The following ANGPT2 variants were observed in gnomAD, a reference collection of about 807,000 sequenced individuals.
The protein encoded by ANGPT2 is angiopoietin 2.
Under a neutral mutation model 62.9 loss-of-function variants are expected in ANGPT2, and 28 were observed. The observed-to-expected ratio is 0.44, with a 90% CI of 0.33 to 0.61. The LOEUF (loss-of-function observed/expected upper bound fraction) is 0.61. Among genes scored for constraint, ANGPT2 ranks in the 20% least tolerant of loss-of-function variants. The pLI, the probability that ANGPT2 is intolerant of heterozygous loss-of-function variation, is 0.03. For synonymous variants in ANGPT2, 284 were observed against 207.8 expected (o/e 1.37, Z -3.15); for missense variants, 727 against 594.9 (o/e 1.22, Z -2.31).
chr8:6,550,383 C>A (rs1032959475), intron 1 of ANGPT2, among the ~76,000 whole-genome samples: 3 of 152,212 alleles, frequency 2.0e-5, no homozygotes, highest in African/African-American at 7.2e-5. Context: ...TAGGGCTGCA[C>A]CCAGACACGT....
At chr8:6,560,034 T>C (rs1310838271) in intron 1 of ANGPT2, among the ~76,000 whole-genome samples, 1 of 152,224 alleles carries the variant, frequency 6.6e-6, no homozygotes, top group Non-Finnish European at 1.5e-5. Context: ...CTAAGCTCCC[T>C]AGGCTATGCT....
intron 1 of ANGPT2, among the ~76,000 whole-genome samples, chr8:6,558,338 C>T (rs977024275): frequency 2.0e-5 from 3 of 152,052 alleles, no homozygotes; most frequent in African/African-American, 7.2e-5. Context: ...TTTTACCTTG[C>T]CCATATCTTA....
intron 5 of ANGPT2, among the ~76,000 whole-genome samples, chr8:6,517,304 A>T (rs1351962860): frequency 6.6e-6 from 1 of 152,214 alleles, no homozygotes; most frequent in Non-Finnish European, 1.5e-5. Flanking sequence ...TCAGCAAATA[A>T]TACTTGACTT....
Position 6,523,363 on chromosome 8 carries a change from A to G in ANGPT2, c.567-1953T>C, listed in dbSNP as rs545125287. Among the ~76,000 whole-genome samples the G allele has an allele frequency of 2.0e-4, 30 of 152,298 alleles. No individual in the cohort carries two copies. The South Asian group carries it at 3.7e-3, about 19-fold the overall frequency. ...TGCCATGTAAGTCCTAAGATACTTTATTAATGGTTATATAGTTTGCCTTCC... is the reference window on the plus strand; with the variant it reads ...TGCCATGTAAGTCCTAAGATACTTTGTTAATGGTTATATAGTTTGCCTTCC... On this transcript the variant is annotated intron_variant, in intron 3 of 8. Transcript: ENST00000629816.
intron 8 of ANGPT2, among the ~76,000 whole-genome samples, chr8:6,503,928 C>G (rs1030688796): frequency 6.6e-6 from 1 of 152,172 alleles, no homozygotes; most frequent in Non-Finnish European, 1.5e-5. Flanking sequence ...GAAAGAAACA[C>G]AGTAGTCCCC....
intron 1 of ANGPT2, among the ~76,000 whole-genome samples, chr8:6,535,736 A>T (rs1193172582): frequency 6.6e-6 from 1 of 152,182 alleles, no homozygotes; most frequent in Non-Finnish European, 1.5e-5. Flanking sequence ...GCAGTAGTAG[A>T]TATTTTGTGT....
chr8:6,544,282 T>A (rs145809007), intron 1 of ANGPT2, among the ~76,000 whole-genome samples: 3 of 152,320 alleles, frequency 2.0e-5, no homozygotes, highest in Non-Finnish European at 2.9e-5. Flanking sequence ...TCTACTTCTG[T>A]CTGTGGCCAG....
intron 3 of ANGPT2, 26 bp from the exon 4 acceptor site, chr8:6,521,436 A>C: frequency 6.8e-7 from 1 of 1,473,918 alleles, no homozygotes; most frequent in South Asian, 1.2e-5. Flanking sequence ...ATTGTTAGTT[A>C]GTGAAGGCTA....
chr8:6,527,926 C>T lies in ANGPT2; in HGVS notation c.445-250G>A, dbSNP rs1403491424. ...TTTTTTTTTTTTTGAGATGGAATCTCGCTCCATTGCCCGGGGTGGAGTGCA... is the reference window on the plus strand; with the variant it reads ...TTTTTTTTTTTTTGAGATGGAATCTTGCTCCATTGCCCGGGGTGGAGTGCA... On this transcript the variant is annotated intron_variant, in intron 2 of 8. Transcript: ENST00000629816. 6.1e-5 allele frequency among the ~76,000 whole-genome samples: 7 copies of T among 114,180 alleles called. 1 individual carries two copies. Among genetic ancestry groups the T allele is most frequent in the Admixed American group, 9.3e-5 (1 of 10,768 alleles). The allele number at this position is 114,180 out of a possible 152,430, so 74.9% of individuals were successfully genotyped here.
chr8:6,519,125 T>C (rs1244123797), intron 5 of ANGPT2, among the ~76,000 whole-genome samples: 1 of 152,192 alleles, frequency 6.6e-6, no homozygotes, highest in Non-Finnish European at 1.5e-5. Flanking sequence ...GAACACTGTC[T>C]TTATGGTGTG....
chr8:6,558,837 T>C (rs1304305941), intron 1 of ANGPT2, among the ~76,000 whole-genome samples: 1 of 152,148 alleles, frequency 6.6e-6, no homozygotes, highest in Non-Finnish European at 1.5e-5. Context: ...ATATAATCCA[T>C]ATAGAGTAAA....
At chr8:6,545,259 G>A (rs374198665) in intron 1 of ANGPT2, among the ~76,000 whole-genome samples, 55 of 152,256 alleles carry the variant, frequency 3.6e-4, no homozygotes, top group South Asian at 2.1e-4. Flanking sequence ...TCTTGACCTC[G>A]GTGCTGGTTA....
Position 6,501,504 on chromosome 8 carries a change from G to C in ANGPT2, c.*1597C>G, listed in dbSNP as rs1259674628. On this transcript the variant is annotated 3_prime_UTR_variant, in exon 9 of 9. Transcript: ENST00000629816. ...GGAGTTAAAACTCCAGGAGTTTATG[G>C]TTTTGTAGTCCCGAGTATAAAGCTG... is the stretch of plus-strand genomic sequence containing the variant. 2 of 150,378 alleles carry C rather than the reference G, an allele frequency of 1.3e-5. No homozygotes were observed. The highest frequency in any genetic ancestry group is 2.4e-5 in the African/African-American group (1 of 40,898). 9.3% of individuals were successfully genotyped at this position (150,378 alleles called of 1,614,324 possible).
At chr8:6,538,289 C>T (rs939154772) in intron 1 of ANGPT2, among the ~76,000 whole-genome samples, 1 of 152,168 alleles carries the variant, frequency 6.6e-6, no homozygotes, top group African/African-American at 2.4e-5. Context: ...CACACATACA[C>T]GTTTTCTACC....
chr8:6,529,717 G>A (rs1460261971), intron 2 of ANGPT2, among the ~76,000 whole-genome samples: 1 of 147,612 alleles, frequency 6.8e-6, no homozygotes, highest in South Asian at 2.1e-4. Context: ...CACCCACCTC[G>A]GCCTCTCAAA....
At position 6,529,623 on chromosome 8, in the gene ANGPT2, A is replaced by ATT. The variant is rs35322987; in HGVS notation, c.445-1949_445-1948dup. Among the ~76,000 whole-genome samples, 820 of 120,920 alleles carry ATT rather than the reference A, an allele frequency of 6.8e-3. 10 individuals are homozygous for ATT. The highest frequency in any genetic ancestry group is 0.019 in the African/African-American group (619 of 32,100). 79.3% of individuals were successfully genotyped at this position (120,920 alleles called of 152,430 possible). ...AAGTGCACACAAGCACGCCTGGCTA[A>ATT]TTTTTTTTTTTTTTTTTTTTTGGTA... On this transcript the variant is annotated intron_variant, in intron 2 of 8. Coordinates refer to ENST00000629816, the MANE Select transcript of ANGPT2 (RefSeq NM_001118887.2).
chr8:6,559,726 T>G (rs1049574252), intron 1 of ANGPT2, among the ~76,000 whole-genome samples: 1 of 152,202 alleles, frequency 6.6e-6, no homozygotes, highest in African/African-American at 2.4e-5. Flanking sequence ...TTTTGCTAAA[T>G]TATTTGTGAG....
intron 1 of ANGPT2, 69 bp downstream of exon 1, chr8:6,562,578 T>TTTTTTTTTTTTTTTTTTTTTTTTTTTAA: frequency 1.1e-6 from 1 of 880,188 alleles, no homozygotes; most frequent in East Asian, 3.0e-5. Flanking sequence ...TTTTGGTTGT[T>TTTTTTTTTTTTTTTTTTTTTTTTTTTAA]AAAACCTGAG....
At chr8:6,540,173 T>C (rs2129573606) in intron 1 of ANGPT2, among the ~76,000 whole-genome samples, 1 of 152,312 alleles carries the variant, frequency 6.6e-6, no homozygotes, top group Middle Eastern at 3.4e-3. Flanking sequence ...TGCATATTCT[T>C]TGCATTAATT....
Sources: gnomAD v4.1 joint callset for allele counts (sites outside exome capture counted in the v4.1 genomes callset) on GRCh38, gnomAD v4.1.1 for gene constraint, MANE v1.5 for transcripts, NCBI Gene and HGNC (gene_info 2026-07-23, HGNC 2026-07-21) for gene names.